Variants in DHX16 observed in about 807,000 individuals in gnomAD.
DHX16 encodes DEAH-box helicase 16.
DHX16 carries 81 observed loss-of-function variants against 131.2 expected under a neutral mutation model. The ratio of observed to expected loss-of-function variants is 0.62; its 90% CI spans 0.52 to 0.74. The LOEUF (loss-of-function observed/expected upper bound fraction) is 0.74. Ranked by LOEUF, DHX16 falls within the 30% of genes least tolerant of loss-of-function variation. DHX16 has a pLI of 0.00. For synonymous variants in DHX16, 440 were observed against 520.2 expected, an observed-to-expected ratio of 0.85 and a Z score of 2.10; for missense variants, 980 against 1,363.1, an observed-to-expected ratio of 0.72 and a Z score of 4.43.
intron 12 of DHX16, among the ~76,000 whole-genome samples, chr6:30,659,006 CCTCCT>C (rs1160832556): frequency 6.6e-6 from 1 of 152,096 alleles, no homozygotes. Flanking sequence ...CATGACTCAG[CCTCCT>C]AAACAGGTGG....
chr6:30,658,998 T>A (rs1768227517), intron 12 of DHX16, among the ~76,000 whole-genome samples: 2 of 152,082 alleles, frequency 1.3e-5, no homozygotes, highest in Non-Finnish European at 1.5e-5. Flanking sequence ...GCGATTCTCA[T>A]GACTCAGCCT....
chr6:30,655,484 A>T lies in DHX16; in HGVS notation c.2612T>A (p.Phe871Tyr). ...CAGGTGGTCACCGCCAGGGAGAAAG[A>T]AGTTGACACGGGCATTGTCAGCATG... ...VVHADNARVN[F>Y]FLPGGDHLVL... is the part of the protein sequence containing the mutation. Residue 871 changes from phenylalanine to tyrosine, a missense_variant, in exon 17 of 20, where the codon TTC (phenylalanine) becomes TAC (tyrosine). Physicochemically the swap from Phe to Tyr is conservative, Grantham distance 22. Coordinates refer to ENST00000376442, the MANE Select transcript of DHX16 (RefSeq NM_003587.5). The T allele has an allele frequency of 6.2e-7, 1 of 1,613,356 alleles. No homozygotes were observed. The highest frequency in any genetic ancestry group is 8.5e-7 in the Non-Finnish European group (1 of 1,180,044).
intron 1 of DHX16, among the ~76,000 whole-genome samples, chr6:30,672,203 C>T (rs1453634131): frequency 9.9e-5 from 15 of 151,664 alleles, no homozygotes; most frequent in Non-Finnish European, 1.5e-5. Context: ...CCCGTAGTCC[C>T]AGCTACCGGG....
intron 4 of DHX16, among the ~76,000 whole-genome samples, chr6:30,668,949 T>G (rs1313453242): frequency 6.6e-6 from 1 of 151,114 alleles, no homozygotes; most frequent in Admixed American, 6.6e-5. Context: ...CTACTAAAAA[T>G]ACAAAATTAG....
intron 1 of DHX16, among the ~76,000 whole-genome samples, chr6:30,672,272 T>A (rs1384165194): frequency 6.6e-6 from 1 of 151,018 alleles, no homozygotes; most frequent in African/African-American, 2.4e-5. Context: ...TGAGCCGTGA[T>A]CTTACGACCG....
At position 30,662,095 on chromosome 6, in the gene DHX16, C is replaced by G. The variant is rs1026763064; in HGVS notation, c.1544+532G>C. 4 of 543,368 alleles carry G rather than the reference C, an allele frequency of 7.4e-6. No homozygotes were observed. Among genetic ancestry groups the G allele is most frequent in the Non-Finnish European group, 1.3e-5 (4 of 300,676 alleles). 33.7% of individuals were successfully genotyped at this position (543,368 alleles called of 1,614,324 possible). A position where few individuals can be genotyped will look rare whatever the true frequency, so the allele number is the denominator to read the frequency against. On this transcript the variant is annotated intron_variant, in intron 9 of 19. Coordinates refer to ENST00000376442, the MANE Select transcript of DHX16 (RefSeq NM_003587.5). The surrounding 1 kb of genome is among the most constrained non-coding windows in gnomAD (Gnocchi z 4.7). ...CACTAAGAGCTCATTATTCACAGACCAAGCTACCCAAGACTTGTGTGGAGG... is the reference window on the plus strand; with the variant it reads ...CACTAAGAGCTCATTATTCACAGACGAAGCTACCCAAGACTTGTGTGGAGG...
chr6:30,665,796 A>C lies in DHX16; in HGVS notation c.667-63T>G. ...GGAGGAGCAACCCCTTTCTCTACCA[A>C]TCCCTACAAGGGAAAAATCCCCTGA... On this transcript the variant is annotated intron_variant, in intron 4 of 19. Coordinates refer to ENST00000376442, the MANE Select transcript of DHX16 (RefSeq NM_003587.5). The surrounding 1 kb of genome is among the most constrained non-coding windows in gnomAD (Gnocchi z 4.8). 1 of 1,559,088 alleles carries C rather than the reference A, an allele frequency of 6.4e-7. No individual in the cohort carries two copies. Among genetic ancestry groups the C allele is most frequent in the Non-Finnish European group, 8.6e-7 (1 of 1,158,906 alleles).
rs1386800849 is a variant in DHX16 at position 30,671,230 on chromosome 6, C to T, written c.252G>A (p.Glu84=). The T allele has an allele frequency of 1.2e-6, 2 of 1,613,080 alleles. No individual in the cohort carries two copies. The highest frequency in any genetic ancestry group is 4.5e-5 in the East Asian group (2 of 44,888). The change falls in exon 2 of 20, where the codon GAG becomes GAA. Residue 84 remains glutamate (E), a synonymous_variant. Coordinates refer to ENST00000376442, the MANE Select transcript of DHX16 (RefSeq NM_003587.5). ...TCTCCAGCAGGGCCCGGGCCTCTCG[C>T]TCTGCTGCCCGAGCTGGCTTTTCTA... The part of the protein sequence containing the change: ...AVVEKPARAA[E]REARALLEKN...
At chr6:30,661,325 C>T (rs1318770803) in intron 9 of DHX16, among the ~76,000 whole-genome samples, 4 of 152,266 alleles carry the variant, frequency 2.6e-5, no homozygotes, top group Admixed American at 6.5e-5. Context: ...CCTCGTGATC[C>T]GCCTGCCTCT....
At chr6:30,672,600 C>T (rs557112852) in intron 1 of DHX16, 35 bp downstream of exon 1, 1 of 1,574,774 alleles carries the variant, frequency 6.4e-7, no homozygotes, top group Admixed American at 1.7e-5. Context: ...CTCACCGGGA[C>T]AAATCACAGG....
rs1768987259 is a variant in DHX16 at position 30,665,737 on chromosome 6, A to G, written c.667-4T>C. ...ATTTCTTCCGCAGCTCAGGGACCTGAGTTGGGAAAGGACAGTCGAATCCTC... is the reference window on the plus strand; with the variant it reads ...ATTTCTTCCGCAGCTCAGGGACCTGGGTTGGGAAAGGACAGTCGAATCCTC... On this transcript the variant is annotated splice_polypyrimidine_tract_variant and splice_region_variant and intron_variant, in intron 4 of 19. Coordinates refer to ENST00000376442, the MANE Select transcript of DHX16 (RefSeq NM_003587.5). This position sits in a 1 kb window ranked among gnomAD's most constrained non-coding sequence, Gnocchi z 4.8. The G allele has an allele frequency of 6.2e-7, 1 of 1,607,442 alleles. No homozygotes were observed. Among genetic ancestry groups the G allele is most frequent in the African/African-American group, 1.3e-5 (1 of 75,012 alleles).
intron 12 of DHX16, among the ~76,000 whole-genome samples, chr6:30,657,327 GTT>G (rs11439180): frequency 8.5e-5 from 12 of 140,466 alleles, no homozygotes; most frequent in Admixed American, 2.1e-4. Context: ...AGGATTTAGG[GTT>G]TTTTTTTTTT....
At chr6:30,660,362 G>T in intron 9 of DHX16, 120 bp from the exon 10 acceptor site, 1 of 818,832 alleles carries the variant, frequency 1.2e-6, no homozygotes, top group Non-Finnish European at 1.8e-6. Flanking sequence ...GACTGTTGAC[G>T]GAGGGGGCTC....
intron 12 of DHX16, among the ~76,000 whole-genome samples, chr6:30,658,979 TG>T (rs1275522085): frequency 6.6e-6 from 1 of 152,010 alleles, no homozygotes; most frequent in Non-Finnish European, 1.5e-5. Context: ...CTCCTCCTCC[TG>T]GGTTCAAGCG....
intron 7 of DHX16, among the ~76,000 whole-genome samples, chr6:30,663,939 C>T (rs924446435): frequency 3.3e-5 from 5 of 151,676 alleles, no homozygotes; most frequent in African/African-American, 1.2e-4. Context: ...GCAGGAGAAT[C>T]ACTTGAACCC....
chr6:30,659,461 C>T lies in DHX16; in HGVS notation c.2007+11G>A. On this transcript the variant is annotated intron_variant, in intron 12 of 19. Coordinates refer to ENST00000376442, the MANE Select transcript of DHX16 (RefSeq NM_003587.5). ...GCATAGGGGTGAAGAGTGTGGGTTT[C>T]TCCAACTGACCTTTCGTGCCCCAGG... is the stretch of plus-strand genomic sequence containing the variant. 1 of 1,578,650 alleles carries T rather than the reference C, an allele frequency of 6.3e-7. No homozygotes were observed. The highest frequency in any genetic ancestry group is 8.6e-7 in the Non-Finnish European group (1 of 1,162,474).
Position 30,672,546 on chromosome 6 carries a change from G to A in DHX16, c.207+89C>T, listed in dbSNP as rs1433038906. 4 of 1,212,244 alleles carry A rather than the reference G, an allele frequency of 3.3e-6. No individual in the cohort carries two copies. In the South Asian group the frequency reaches 4.1e-5, roughly 12 times the overall value. The allele number at this position is 1,212,244 out of a possible 1,614,324, so 75.1% of individuals were successfully genotyped here. The stretch of plus-strand genomic sequence containing the variant: ...GACAACGGACAAAGAATAAGTGCTT[G>A]TGAACTGAGCTTTCTTAACTTCTCG... On this transcript the variant is annotated intron_variant, in intron 1 of 19. Coordinates refer to ENST00000376442, the MANE Select transcript of DHX16 (RefSeq NM_003587.5).
At chr6:30,659,325 T>G in intron 12 of DHX16, 147 bp downstream of exon 12, 1 of 859,080 alleles carries the variant, frequency 1.2e-6, no homozygotes, top group Non-Finnish European at 1.8e-6. Context: ...ATTTCTCCTC[T>G]CTTCAGTCCC....
rs778088832 is a variant in DHX16, at chr6:30,672,999, C to T, written c.-158G>A. Reference sequence around the variant, plus strand: ...TTCCGACATCCCAAAGCTGTCTTCCCGTACCGCGGAGCCCGGAAGGGGCTG... The same window carrying T: ...TTCCGACATCCCAAAGCTGTCTTCCTGTACCGCGGAGCCCGGAAGGGGCTG... On this transcript the variant is annotated 5_prime_UTR_variant, in exon 1 of 20. Transcript: ENST00000376442. 1.9e-6 allele frequency: 3 copies of T among 1,550,546 alleles called. No individual in the cohort carries two copies. The highest frequency in any genetic ancestry group is 2.4e-5 in the East Asian group (1 of 40,914).
Sources: gnomAD v4.1 joint callset for allele counts (sites outside exome capture counted in the v4.1 genomes callset) on GRCh38, gnomAD v4.1.1 for gene constraint, Gnocchi (gnomAD v3.1) non-coding constraint, MANE v1.5 for transcripts, NCBI Gene and HGNC (gene_info 2026-07-23, HGNC 2026-07-21) for gene names.